UGCG: variants seen among roughly 807,000 people sequenced by gnomAD.
The protein encoded by UGCG is ceramide glucosyltransferase.
Under a neutral mutation model 49.5 loss-of-function variants are expected in UGCG, and 10 were observed. The ratio of observed to expected loss-of-function variants is 0.20; its 90% CI spans 0.12 to 0.34. UGCG has a LOEUF of 0.34. Among genes scored for constraint, UGCG ranks in the 10% least tolerant of loss-of-function variants. The probability of loss-of-function intolerance (pLI) is 1.00; values close to 1 mark genes in which losing one functional copy is unlikely to be tolerated. For synonymous variants in UGCG, 182 were observed against 158.2 expected, an observed-to-expected ratio of 1.15 and a Z score of -1.13; for missense variants, 312 against 483.7, an observed-to-expected ratio of 0.65 and a Z score of 3.33.
chr9:111,910,418 C>A (rs1473455538), intron 1 of UGCG, among the ~76,000 whole-genome samples: 1 of 152,168 alleles, frequency 6.6e-6, no homozygotes, highest in Admixed American at 6.6e-5. Context: ...TCATCCACAT[C>A]TCAAACTTTT....
chr9:111,926,856 C>T (rs1001318140), intron 5 of UGCG, among the ~76,000 whole-genome samples: 2 of 145,468 alleles, frequency 1.4e-5, no homozygotes, highest in Middle Eastern at 3.5e-3. Flanking sequence ...CCCCCTCCCC[C>T]CAGCCTTTTT....
Position 111,933,043 on chromosome 9 carries a change from A to G in UGCG, c.*46A>G. ...ATAAAGGAAAAAAGAGAAGTATTATAAATTATGTTTATATAAATGCTTTTA... is the reference window on the plus strand; with the variant it reads ...ATAAAGGAAAAAAGAGAAGTATTATGAATTATGTTTATATAAATGCTTTTA... On this transcript the variant is annotated 3_prime_UTR_variant, in exon 9 of 9. Transcript: ENST00000374279. The G allele has an allele frequency of 7.2e-7, 1 of 1,382,348 alleles. No individual in the cohort carries two copies. The highest frequency in any genetic ancestry group is 9.5e-7 in the Non-Finnish European group (1 of 1,057,686). 85.6% of individuals were successfully genotyped at this position (1,382,348 alleles called of 1,614,324 possible).
rs528970140 is a variant in UGCG at position 111,907,479 on chromosome 9, T to C, written c.99-7126T>C. 4.6e-5 allele frequency among the ~76,000 whole-genome samples: 7 copies of C among 152,302 alleles called. No homozygotes were observed. The South Asian group carries it at 1.4e-3, about 32-fold the overall frequency. ...TCCCGGTGGGGTTTTAATTTATTGA[T>C]ATTTCTTCTCATTGGTATATTTTCC... On this transcript the variant is annotated intron_variant, in intron 1 of 8. Coordinates refer to ENST00000374279, the MANE Select transcript of UGCG (RefSeq NM_003358.3).
intron 1 of UGCG, among the ~76,000 whole-genome samples, chr9:111,906,630 A>G (rs1028710884): frequency 1.3e-5 from 2 of 151,890 alleles, no homozygotes; most frequent in African/African-American, 4.8e-5. Flanking sequence ...GGGTTTCACC[A>G]TGTTGGCCAG....
chr9:111,921,769 C>T (rs971757504), intron 2 of UGCG, among the ~76,000 whole-genome samples: 1 of 140,612 alleles, frequency 7.1e-6, no homozygotes, highest in Non-Finnish European at 1.5e-5. Context: ...AAATAGGGTC[C>T]AATTCTCTTT....
chr9:111,925,027 C>G, intron 4 of UGCG, 149 bp downstream of exon 4: 1 of 339,440 alleles, frequency 2.9e-6, no homozygotes, highest in Non-Finnish European at 5.1e-6. Context: ...TCCAGTTATG[C>G]TTACTAAGAT....
At chr9:111,921,452 C>G (rs1279982718) in intron 2 of UGCG, among the ~76,000 whole-genome samples, 1 of 151,888 alleles carries the variant, frequency 6.6e-6, no homozygotes, top group African/African-American at 2.4e-5. Context: ...GAGTTTGAGA[C>G]CAGCCCGGCC....
intron 5 of UGCG, among the ~76,000 whole-genome samples, 165 bp downstream of exon 5, chr9:111,926,661 T>C (rs1838316870): frequency 6.6e-6 from 1 of 151,942 alleles, no homozygotes; most frequent in Non-Finnish European, 1.5e-5. Context: ...CTGTTTTCAT[T>C]AGTGAGGAAA....
At position 111,932,922 on chromosome 9, in the gene UGCG, C is replaced by T. The variant is rs536009693; in HGVS notation, c.1110C>T (p.Asp370=). Residue 370 remains aspartate, a synonymous_variant, in exon 9 of 9, where the codon GAC becomes GAT. Coordinates refer to ENST00000374279, the MANE Select transcript of UGCG (RefSeq NM_003358.3). The stretch of plus-strand genomic sequence containing the variant: ...ACATTTTTTTGTCTGCATTATGGGA[C>T]CCAACTATAAGCTGGAGAACTGGTC... ...TIYIFLSALW[D]PTISWRTGRY... is the part of the protein sequence containing the mutation. The T allele has an allele frequency of 3.1e-6, 5 of 1,612,840 alleles. No individual in the cohort carries two copies. In the Admixed American group the frequency reaches 6.7e-5, roughly 22 times the overall value.
intron 2 of UGCG, among the ~76,000 whole-genome samples, chr9:111,918,699 C>T (rs1482434881): frequency 1.3e-5 from 2 of 151,944 alleles, no homozygotes; most frequent in Admixed American, 6.6e-5. Context: ...TTTGGGAGGC[C>T]GAGGCGGGCG....
intron 1 of UGCG, among the ~76,000 whole-genome samples, chr9:111,899,419 TA>T (rs1424180332): frequency 2.0e-5 from 3 of 152,338 alleles, no homozygotes; most frequent in East Asian, 3.8e-4. Flanking sequence ...AAAATATGTT[TA>T]TATGCTAGTT....
At chr9:111,899,995 A>G (rs987096567) in intron 1 of UGCG, among the ~76,000 whole-genome samples, 1 of 152,386 alleles carries the variant, frequency 6.6e-6, no homozygotes, top group Admixed American at 6.5e-5. Context: ...TTCTGCCAAC[A>G]ATGTCAAAGG....
intron 1 of UGCG, among the ~76,000 whole-genome samples, chr9:111,900,660 AT>A (rs1280983336): frequency 6.6e-6 from 1 of 151,598 alleles, no homozygotes; most frequent in Non-Finnish European, 1.5e-5. Context: ...TGCCTGGCTA[AT>A]TTTTGTGCTT....
chr9:111,911,647 C>T (rs549503905), intron 1 of UGCG, among the ~76,000 whole-genome samples: 2 of 151,868 alleles, frequency 1.3e-5, no homozygotes, highest in African/African-American at 4.8e-5. Flanking sequence ...CCTGTAATCC[C>T]AGCACTTTGA....
chr9:111,899,576 A>G (rs1476638508), intron 1 of UGCG, among the ~76,000 whole-genome samples: 1 of 152,094 alleles, frequency 6.6e-6, no homozygotes, highest in Non-Finnish European at 1.5e-5. Flanking sequence ...CTTTGTACAT[A>G]TATTTGACAT....
At chr9:111,909,666 G>A (rs1837959901) in intron 1 of UGCG, among the ~76,000 whole-genome samples, 1 of 152,266 alleles carries the variant, frequency 6.6e-6, no homozygotes, top group Admixed American at 6.5e-5. Flanking sequence ...GTAAGTGACT[G>A]CAAAGCAGTC....
Position 111,897,196 on chromosome 9 carries a change from C to A in UGCG, c.-20C>A. 1 of 1,539,310 alleles carries A rather than the reference C, an allele frequency of 6.5e-7. No homozygotes were observed. On this transcript the variant is annotated 5_prime_UTR_variant, in exon 1 of 9. Coordinates refer to ENST00000374279, the MANE Select transcript of UGCG (RefSeq NM_003358.3). ...GTGTTGGCGGCCGCAGCGGGCCGGG[C>A]CGGTCCGGCGGGCCGGGGGATGGCG... is the stretch of plus-strand genomic sequence containing the variant.
At chr9:111,925,859 G>A (rs910085777) in intron 4 of UGCG, among the ~76,000 whole-genome samples, 1 of 152,166 alleles carries the variant, frequency 6.6e-6, no homozygotes, top group Non-Finnish European at 1.5e-5. Flanking sequence ...CAGAGATGAT[G>A]TTCATTCTTC....
intron 1 of UGCG, among the ~76,000 whole-genome samples, chr9:111,904,937 G>A (rs1174463417): frequency 6.6e-6 from 1 of 152,116 alleles, no homozygotes; most frequent in Non-Finnish European, 1.5e-5. Flanking sequence ...ACCAGCCTGA[G>A]CAATATAGCA....
Sources: gnomAD v4.1 joint callset for allele counts (sites outside exome capture counted in the v4.1 genomes callset) on GRCh38, gnomAD v4.1.1 for gene constraint, MANE v1.5 for transcripts, NCBI Gene and HGNC (gene_info 2026-07-23, HGNC 2026-07-21) for gene names.